The following MDGA2 variants were observed in gnomAD, a reference collection of about 807,000 sequenced individuals.
MDGA2 encodes the protein MAM domain-containing glycosylphosphatidylinositol anchor protein 2.
Under a neutral mutation model 117.8 loss-of-function variants are expected in MDGA2, and 40 were observed. That is an observed-to-expected ratio of 0.34 (90% CI 0.26 to 0.44). The LOEUF (loss-of-function observed/expected upper bound fraction) is 0.44, where lower values mean the gene tolerates loss of function less well. Among genes scored for constraint, MDGA2 ranks in the 20% least tolerant of loss-of-function variants. The pLI is 1.00. For synonymous variants in MDGA2, 452 were observed against 439.0 expected (o/e 1.03, Z -0.37); for missense variants, 1,123 against 1,250.6 (o/e 0.90, Z 1.54).
intron 8 of MDGA2, among the ~76,000 whole-genome samples, chr14:46,974,307 G>A (rs145884350): frequency 1.8e-4 from 28 of 152,188 alleles, no homozygotes; most frequent in Non-Finnish European, 2.6e-4. Context: ...ACCCAAAGAC[G>A]TATGCAGATT....
At chr14:47,313,644 T>C (rs111500182) in intron 1 of MDGA2, among the ~76,000 whole-genome samples, 1 of 152,174 alleles carries the variant, frequency 6.6e-6, no homozygotes, top group Non-Finnish European at 1.5e-5. Flanking sequence ...TCAATGTTGT[T>C]CTATCTAAAT....
rs140241469 is a variant in MDGA2, at chr14:46,949,867, T to G, written c.2089+7507A>C. ...TATTTCTTTTCCTTTGGGTAGATAC[T>G]CAGTAGTGGGATGGCAGGGTTGAAT... On this transcript the variant is annotated intron_variant, in intron 9 of 16. Coordinates refer to ENST00000399232, the MANE Select transcript of MDGA2 (RefSeq NM_001113498.3). 6.0e-3 allele frequency among the ~76,000 whole-genome samples: 911 copies of G among 151,950 alleles called. 2 individuals are homozygous for G. Among genetic ancestry groups the G allele is most frequent in the East Asian group, 0.018 (95 of 5,168 alleles).
rs75941334 is a variant in MDGA2, at chr14:47,350,054, G to C, written c.281-48504C>G. 4.7e-3 allele frequency among the ~76,000 whole-genome samples: 718 copies of C among 152,332 alleles called. 4 individuals carry two copies. Among genetic ancestry groups the C allele is most frequent in the African/African-American group, 0.016 (671 of 41,574 alleles). ...CCCTGAAGTCAGCATATGACTGACT[G>C]TGTCCATTTAGATCTCTGTATATTG... On this transcript the variant is annotated intron_variant, in intron 1 of 16. Coordinates refer to ENST00000399232, the MANE Select transcript of MDGA2 (RefSeq NM_001113498.3).
In MDGA2 at chr14:47,286,540, G is replaced by GAGGA. The variant is rs1200299891; in HGVS notation, c.420+14870_420+14871insTCCT. On this transcript the variant is annotated intron_variant, in intron 2 of 16. Coordinates refer to ENST00000399232, the MANE Select transcript of MDGA2 (RefSeq NM_001113498.3). ...ATAATGCCCTCCAGTTCCATCCATG[G>GAGGA]TGTAGCAAATGATGTGACTTCATTC... Among the ~76,000 whole-genome samples the GAGGA allele has an allele frequency of 4.0e-5, 6 of 151,830 alleles. No homozygotes were observed. In the South Asian group the frequency reaches 1.0e-3, roughly 26 times the overall value.
At chr14:47,317,537 C>T (rs112249339) in intron 1 of MDGA2, among the ~76,000 whole-genome samples, 3,607 of 151,998 alleles carry the variant, frequency 0.024, 67 homozygotes, top group Non-Finnish European at 0.037. Context: ...AAGAGTTTAC[C>T]TAAAGCTCTG....
Position 47,242,646 on chromosome 14 carries a change from C to T in MDGA2, c.421-24451G>A, listed in dbSNP as rs918542894. Among the ~76,000 whole-genome samples, 29 of 151,804 alleles carry T rather than the reference C, an allele frequency of 1.9e-4. 3 individuals are homozygous for T. Among genetic ancestry groups the T allele is most frequent in the Non-Finnish European group, 5.9e-5 (4 of 67,786 alleles). On this transcript the variant is annotated intron_variant, in intron 2 of 16. Transcript: ENST00000399232. ...GCAGTGCTGGCCCACCAGCGCTGCG[C>T]TCGATTTCTCGCTGGGCCTTGGCTG...
chr14:47,492,241 C>T (rs535651992), intron 1 of MDGA2, among the ~76,000 whole-genome samples: 6 of 152,178 alleles, frequency 3.9e-5, no homozygotes, highest in Admixed American at 3.3e-4. Context: ...ACCCAAAGTG[C>T]GTATCAAATT....
chr14:47,399,007 T>G (rs912488164), intron 1 of MDGA2, among the ~76,000 whole-genome samples: 3 of 152,206 alleles, frequency 2.0e-5, no homozygotes, highest in African/African-American at 7.2e-5. Flanking sequence ...CAAATCTTAC[T>G]CTTTCAACAA....
intron 8 of MDGA2, among the ~76,000 whole-genome samples, chr14:46,984,676 A>G (rs1256306993): frequency 6.6e-6 from 1 of 151,984 alleles, no homozygotes; most frequent in African/African-American, 2.4e-5. Context: ...ATTTAACTAG[A>G]TGTGTTCTGG....
chr14:47,559,907 T>C (rs1895763453), intron 1 of MDGA2, among the ~76,000 whole-genome samples: 1 of 152,080 alleles, frequency 6.6e-6, no homozygotes, highest in African/African-American at 2.4e-5. Flanking sequence ...TATATTCCTT[T>C]GGGAATATAT....
intron 1 of MDGA2, among the ~76,000 whole-genome samples, chr14:47,544,203 G>T (rs941783244): frequency 2.0e-5 from 3 of 152,044 alleles, no homozygotes; most frequent in Non-Finnish European, 4.4e-5. Flanking sequence ...AAGTCAAATT[G>T]TGTTCATGCC....
At position 46,841,821 on chromosome 14, in the gene MDGA2, G is replaced by A. The variant is rs1880623853; in HGVS notation, c.*110C>T. 2.9e-6 allele frequency: 2 copies of A among 686,872 alleles called. No homozygotes were observed. Among genetic ancestry groups the A allele is most frequent in the South Asian group, 2.4e-5 (1 of 41,140 alleles). 42.5% of individuals were successfully genotyped at this position (686,872 alleles called of 1,614,324 possible). ...TTTTTATTATTTTATTTTTGAGTCA[G>A]TAGTCAGTGGAGGAATCTTTGGTAG... On this transcript the variant is annotated 3_prime_UTR_variant, in exon 17 of 17. Coordinates refer to ENST00000399232, the MANE Select transcript of MDGA2 (RefSeq NM_001113498.3).
chr14:47,442,497 A>C (rs1445003540), intron 1 of MDGA2, among the ~76,000 whole-genome samples: 1 of 152,150 alleles, frequency 6.6e-6, no homozygotes, highest in Non-Finnish European at 1.5e-5. Flanking sequence ...GTAAGCAGGA[A>C]ATCTCACTGG....
At chr14:47,563,648 C>G (rs1490965146) in intron 1 of MDGA2, among the ~76,000 whole-genome samples, 3 of 114,048 alleles carry the variant, frequency 2.6e-5, no homozygotes, top group Non-Finnish European at 5.1e-5. Flanking sequence ...TTACTTTGAG[C>G]CTATGATGTC....
In MDGA2 at chr14:46,965,170, G is replaced by A. The variant is rs554112428; in HGVS notation, c.1820-7527C>T. 5.4e-5 allele frequency among the ~76,000 whole-genome samples: 8 copies of A among 149,472 alleles called. No homozygotes were observed. The East Asian group carries it at 9.9e-4, about 18-fold the overall frequency. On this transcript the variant is annotated intron_variant, in intron 8 of 16. Coordinates refer to ENST00000399232, the MANE Select transcript of MDGA2 (RefSeq NM_001113498.3). Reference sequence around the variant, plus strand: ...GATCTCCTGACCTCGTGATCCGCCCGCCTCGGCCTCCCAAAGTGCTGGGAT... The same window carrying A: ...GATCTCCTGACCTCGTGATCCGCCCACCTCGGCCTCCCAAAGTGCTGGGAT...
intron 8 of MDGA2, among the ~76,000 whole-genome samples, chr14:47,017,583 A>T (rs1211579884): frequency 6.6e-6 from 1 of 151,760 alleles, no homozygotes; most frequent in Non-Finnish European, 1.5e-5. Flanking sequence ...GCAATCTTCA[A>T]CATTCAGGGG....
chr14:47,596,901 G>C (rs993834468), intron 1 of MDGA2, among the ~76,000 whole-genome samples: 3 of 152,082 alleles, frequency 2.0e-5, no homozygotes, highest in Non-Finnish European at 4.4e-5. Flanking sequence ...TCCAAATCAA[G>C]AGCCTGTATC....
intron 1 of MDGA2, among the ~76,000 whole-genome samples, chr14:47,494,880 A>G (rs1427020210): frequency 1.3e-5 from 2 of 148,832 alleles, no homozygotes; most frequent in Non-Finnish European, 3.0e-5. Flanking sequence ...ATGTGATTAT[A>G]TATATATATA....
At chr14:47,190,015 AT>A (rs1885052122) in intron 3 of MDGA2, among the ~76,000 whole-genome samples, 1 of 152,186 alleles carries the variant, frequency 6.6e-6, no homozygotes, top group South Asian at 2.1e-4. Flanking sequence ...TTTATCTGTC[AT>A]TTTAGCTGTA....
Sources: gnomAD v4.1 joint callset for allele counts (sites outside exome capture counted in the v4.1 genomes callset) on GRCh38, gnomAD v4.1.1 for gene constraint, MANE v1.5 for transcripts, NCBI Gene and HGNC (gene_info 2026-07-23, HGNC 2026-07-21) for gene names.